Variants in CYB5R4 observed in about 807,000 individuals in gnomAD.
The protein encoded by CYB5R4 is cytochrome b5 reductase 4, also known as N-terminal cytochrome b5 and cytochrome b5 oxidoreductase domain-containing protein.
CYB5R4 carries 55 observed loss-of-function variants against 70.2 expected under a neutral mutation model. The observed-to-expected ratio is 0.78, with a 90% CI of 0.63 to 0.98. The LOEUF is 0.98. CYB5R4 is among the 50% of genes least tolerant of loss of function. The pLI is 0.00. For missense variants in CYB5R4, 562 were observed against 612.6 expected (o/e 0.92, Z 0.87); for synonymous variants, 197 against 199.5 (o/e 0.99, Z 0.11).
intron 14 of CYB5R4, among the ~76,000 whole-genome samples, chr6:83,953,369 A>AT: frequency 6.6e-6 from 1 of 151,666 alleles, no homozygotes; most frequent in Admixed American, 6.6e-5. Flanking sequence ...ATATATAATT[A>AT]TATATATTTT....
chr6:83,903,488 GGTT>G lies in CYB5R4; in HGVS notation c.331-5514_331-5512del, dbSNP rs576076902. Among the ~76,000 whole-genome samples, 89 of 151,908 alleles carry G rather than the reference GGTT, an allele frequency of 5.9e-4. 2 individuals carry two copies. The South Asian group carries it at 0.017, about 28-fold the overall frequency. On this transcript the variant is annotated intron_variant, in intron 3 of 15. Transcript: ENST00000369681. Reference sequence around the variant, plus strand: ...TATTGTAGTTTTGTGGGGTTTTTTTGGTTGTTGTTTTTGTACACTTACTTGGTT... The same window carrying G: ...TATTGTAGTTTTGTGGGGTTTTTTTGGTTGTTTTTGTACACTTACTTGGTT...
At chr6:83,936,460 A>G (rs2099468944) in intron 12 of CYB5R4, 84 bp downstream of exon 12, 1 of 1,218,896 alleles carries the variant, frequency 8.2e-7, no homozygotes, top group South Asian at 1.4e-5. Context: ...GTAGGAGTCT[A>G]TCAGATATCT....
At chr6:83,956,125 C>T (rs1236774452) in intron 15 of CYB5R4, among the ~76,000 whole-genome samples, 1 of 152,082 alleles carries the variant, frequency 6.6e-6, no homozygotes, top group Non-Finnish European at 1.5e-5. Context: ...AGGTGACTAA[C>T]CTAACATTTC....
chr6:83,874,831 AT>A (rs1187076708), intron 2 of CYB5R4, among the ~76,000 whole-genome samples: 50 of 143,578 alleles, frequency 3.5e-4, no homozygotes, highest in Admixed American at 4.9e-4. Flanking sequence ...TTTTATTTTT[AT>A]TTTTTTTTTT....
At chr6:83,879,286 A>T (rs1190041359) in intron 2 of CYB5R4, among the ~76,000 whole-genome samples, 2 of 152,056 alleles carry the variant, frequency 1.3e-5, no homozygotes, top group Non-Finnish European at 2.9e-5. Context: ...GGATGTGAGC[A>T]GTTTCCCTGT....
chr6:83,941,723 C>A (rs1039287273), intron 14 of CYB5R4, among the ~76,000 whole-genome samples: 4 of 152,126 alleles, frequency 2.6e-5, no homozygotes, highest in African/African-American at 9.7e-5. Flanking sequence ...ATTTACTATT[C>A]TTTACATACT....
At chr6:83,865,016 C>T (rs1331985138) in intron 2 of CYB5R4, among the ~76,000 whole-genome samples, 2 of 152,016 alleles carry the variant, frequency 1.3e-5, no homozygotes, top group African/African-American at 4.8e-5. Context: ...ACTGTGTTTA[C>T]CATCTGTTTA....
At chr6:83,864,043 C>T (rs2099456389) in intron 1 of CYB5R4, 132 bp from the exon 2 acceptor site, 4 of 792,512 alleles carry the variant, frequency 5.0e-6, no homozygotes, top group Non-Finnish European at 7.6e-6. Context: ...TCAAATACAG[C>T]ATAAACAATG....
At chr6:83,872,879 A>T (rs2099457861) in intron 2 of CYB5R4, among the ~76,000 whole-genome samples, 1 of 152,246 alleles carries the variant, frequency 6.6e-6, no homozygotes, top group African/African-American at 2.4e-5. Context: ...GACAGGGAGT[A>T]GTTCCCTGAA....
intron 12 of CYB5R4, among the ~76,000 whole-genome samples, chr6:83,937,589 A>T (rs1457442670): frequency 6.6e-6 from 1 of 152,058 alleles, no homozygotes; most frequent in Non-Finnish European, 1.5e-5. Flanking sequence ...GCTCGATCTC[A>T]GCTCACTGCA....
At chr6:83,944,797 G>A (rs1220685935) in intron 14 of CYB5R4, among the ~76,000 whole-genome samples, 3 of 151,836 alleles carry the variant, frequency 2.0e-5, no homozygotes, top group Admixed American at 6.6e-5. Context: ...CCTAGTTTCC[G>A]ATAAAACAGA....
intron 3 of CYB5R4, among the ~76,000 whole-genome samples, chr6:83,903,480 G>GT (rs2099463314): frequency 6.6e-6 from 1 of 151,816 alleles, no homozygotes; most frequent in Non-Finnish European, 1.5e-5. Flanking sequence ...GTTTTGTGGG[G>GT]TTTTTTTGGT....
rs368499788 is a variant in CYB5R4, at chr6:83,960,372, G to C, written c.*494G>C. 6.6e-6 allele frequency: 1 copy of C among 152,566 alleles called. No individual in the cohort carries two copies. Among genetic ancestry groups the C allele is most frequent in the Non-Finnish European group, 1.5e-5 (1 of 68,130 alleles). 9.5% of individuals were successfully genotyped at this position (152,566 alleles called of 1,614,324 possible). On this transcript the variant is annotated 3_prime_UTR_variant, in exon 16 of 16. Transcript: ENST00000369681. ...TATTAAGTGATCCAAACATTTTTTTGTGTGTGTATGGCATTGATGCAGAAT... is the reference window on the plus strand; with the variant it reads ...TATTAAGTGATCCAAACATTTTTTTCTGTGTGTATGGCATTGATGCAGAAT...
intron 2 of CYB5R4, among the ~76,000 whole-genome samples, chr6:83,882,029 T>A (rs189691772): frequency 9.2e-5 from 14 of 152,312 alleles, no homozygotes; most frequent in Admixed American, 7.8e-4. Context: ...TCCTGTTAGA[T>A]CAAGACTCCA....
chr6:83,905,493 A>G (rs73749671), intron 3 of CYB5R4, among the ~76,000 whole-genome samples: 6,217 of 152,248 alleles, frequency 0.041, 434 homozygotes, highest in African/African-American at 0.14. Context: ...TGTAAACAGC[A>G]TCAGTGATGA....
chr6:83,874,103 T>G, intron 2 of CYB5R4, among the ~76,000 whole-genome samples: 1 of 146,384 alleles, frequency 6.8e-6, no homozygotes, highest in South Asian at 2.3e-4. Context: ...TCCTGCCTGC[T>G]TGCCTGCCTC....
intron 2 of CYB5R4, among the ~76,000 whole-genome samples, chr6:83,884,301 A>G (rs2099459927): frequency 6.6e-6 from 1 of 152,070 alleles, no homozygotes. Flanking sequence ...TAAGAGGTAT[A>G]CTTTAAAAAC....
chr6:83,903,587 T>A (rs1037539293), intron 3 of CYB5R4, among the ~76,000 whole-genome samples: 8 of 152,126 alleles, frequency 5.3e-5, no homozygotes. Context: ...TTTTTTGGAA[T>A]AATTTGAGGA....
At chr6:83,910,346 G>A (rs1422617676) in intron 4 of CYB5R4, 10 of 555,474 alleles carry the variant, frequency 1.8e-5, no homozygotes, top group East Asian at 9.3e-5. Flanking sequence ...GAAGTAAGAC[G>A]GTTACTGGTG....
Sources: allele counts gnomAD v4.1 joint callset (sites outside exome capture counted in the v4.1 genomes callset), GRCh38; gene constraint gnomAD v4.1.1; transcripts MANE v1.5; gene names NCBI Gene and HGNC (gene_info 2026-07-23, HGNC 2026-07-21).